KAZN: variants seen among roughly 807,000 people sequenced by gnomAD.
KAZN encodes kazrin.
In KAZN, 40 loss-of-function variants were observed where a neutral mutation model predicts 87.4. That is an observed-to-expected ratio of 0.46 (90% confidence interval 0.36 to 0.60). KAZN has a LOEUF of 0.60. Ranked by LOEUF, KAZN falls within the 20% of genes least tolerant of loss-of-function variation. The pLI is 0.00. For missense variants in KAZN, 898 were observed against 1,073.9 expected (o/e 0.84, Z 2.29); for synonymous variants, 466 against 458.3 (o/e 1.02, Z -0.22).
chr1:14,608,811 A>G (rs577413922), intron 1 of KAZN, among the ~76,000 whole-genome samples: 1 of 152,374 alleles, frequency 6.6e-6, no homozygotes, highest in African/African-American at 2.4e-5. Flanking sequence ...GGTCAGCGGC[A>G]ACAAATGAAT....
chr1:14,666,574 C>G (rs1422238537), intron 1 of KAZN, among the ~76,000 whole-genome samples: 2 of 152,134 alleles, frequency 1.3e-5, no homozygotes, highest in African/African-American at 2.4e-5. Flanking sequence ...AGTACAAGAT[C>G]CAGGTGTCCA....
chr1:14,912,437 G>A (rs896605910), intron 1 of KAZN, among the ~76,000 whole-genome samples: 1 of 152,308 alleles, frequency 6.6e-6, no homozygotes, highest in Admixed American at 6.5e-5. Context: ...TGGGGGATGA[G>A]AGGATACGCT....
chr1:13,909,430 G>C (rs1046650105), intron 1 of KAZN, among the ~76,000 whole-genome samples: 1 of 152,112 alleles, frequency 6.6e-6, no homozygotes, highest in African/African-American at 2.4e-5. Context: ...TAGTGAGGAG[G>C]AGAGCTCCCG....
chr1:14,550,889 C>A lies in KAZN; in HGVS notation c.250-48094C>A, dbSNP rs529704507. On this transcript the variant is annotated intron_variant, in intron 2 of 16. Transcript: ENST00000636203. Reference sequence around the variant, plus strand: ...ATACCCAATTCCCTTGAACAGTGAACCACCCCCATCCCCAGCTCTCTCCCC... The same window carrying A: ...ATACCCAATTCCCTTGAACAGTGAAACACCCCCATCCCCAGCTCTCTCCCC... 4.6e-5 allele frequency among the ~76,000 whole-genome samples: 7 copies of A among 151,254 alleles called. No homozygotes were observed. The South Asian group carries it at 1.5e-3, about 32-fold the overall frequency.
intron 2 of KAZN, among the ~76,000 whole-genome samples, chr1:15,029,646 T>G (rs1671489473): frequency 6.6e-6 from 1 of 152,184 alleles, no homozygotes; most frequent in Non-Finnish European, 1.5e-5. Flanking sequence ...AATGCCATGT[T>G]GAGGTGCTGG....
intron 2 of KAZN, among the ~76,000 whole-genome samples, chr1:14,302,622 T>C (rs920693402): frequency 5.9e-5 from 9 of 152,180 alleles, no homozygotes; most frequent in African/African-American, 1.9e-4. Flanking sequence ...TGAAATTACA[T>C]GGCAAATGGT....
chr1:14,157,714 T>C (rs1010309820), intron 1 of KAZN, among the ~76,000 whole-genome samples: 2 of 152,134 alleles, frequency 1.3e-5, no homozygotes, highest in African/African-American at 4.8e-5. Flanking sequence ...AGTGTATTAG[T>C]CCATTTTCCC....
intron 1 of KAZN, among the ~76,000 whole-genome samples, chr1:14,800,321 G>A (rs1303030850): frequency 1.3e-5 from 2 of 152,308 alleles, no homozygotes; most frequent in African/African-American, 4.8e-5. Context: ...GCTGAAAGGT[G>A]CAAATAACCC....
At chr1:14,845,206 AG>A (rs1648576130) in intron 1 of KAZN, among the ~76,000 whole-genome samples, 1 of 98,510 alleles carries the variant, frequency 1.0e-5, no homozygotes. Flanking sequence ...TGGGTGAGTG[AG>A]TGGATGGGTG....
chr1:13,893,628 G>A, exon 1 of KAZN: 2 of 1,549,360 alleles, frequency 1.3e-6, no homozygotes, highest in Admixed American at 2.0e-5. Flanking sequence ...GGGTCTGGAC[G>A]CTGCCACATG....
rs1673194546 is a variant in KAZN, at chr1:15,043,975, T to C, written c.556-14T>C. ...TGTAACACCCACGGTGCTCTCTCCC[T>C]CTCCCACCCACAGGAGAGCGAGGAT... On this transcript the variant is annotated splice_polypyrimidine_tract_variant and intron_variant, in intron 3 of 14. Transcript: ENST00000376030. The C allele has an allele frequency of 6.3e-7, 1 of 1,598,432 alleles. No homozygotes were observed. The highest frequency in any genetic ancestry group is 8.5e-7 in the Non-Finnish European group (1 of 1,170,942).
intron 8 of KAZN, chr1:15,067,485 T>C: frequency 4.1e-6 from 4 of 985,454 alleles, no homozygotes; most frequent in Non-Finnish European, 4.8e-6. Context: ...TAAAACTCAA[T>C]TTCCTTATTC....
At chr1:14,264,871 G>C (rs183142654) in intron 2 of KAZN, among the ~76,000 whole-genome samples, 1 of 152,278 alleles carries the variant, frequency 6.6e-6, no homozygotes, top group Non-Finnish European at 1.5e-5. Context: ...AGTATAGGTA[G>C]TCCAGGAAAA....
chr1:14,581,388 A>G (rs1054757831), intron 2 of KAZN, among the ~76,000 whole-genome samples: 9 of 152,132 alleles, frequency 5.9e-5, no homozygotes, highest in African/African-American at 2.2e-4. Context: ...ATACTGATCT[A>G]GAATCCATTC....
chr1:14,226,794 G>T (rs1162899921), intron 2 of KAZN, among the ~76,000 whole-genome samples: 1 of 152,094 alleles, frequency 6.6e-6, no homozygotes, highest in East Asian at 1.9e-4. Context: ...ATTAATGCAG[G>T]AACAGAAAAC....
chr1:14,751,834 A>G (rs1191944554), intron 1 of KAZN, among the ~76,000 whole-genome samples: 1 of 152,210 alleles, frequency 6.6e-6, no homozygotes, highest in African/African-American at 2.4e-5. Flanking sequence ...ATCCTTCCCT[A>G]TAGATATGCC....
intron 2 of KAZN, among the ~76,000 whole-genome samples, chr1:14,529,783 G>T (rs1295992881): frequency 6.6e-6 from 1 of 152,204 alleles, no homozygotes; most frequent in East Asian, 1.9e-4. Context: ...ACGGACCAGG[G>T]CATTGCAAGC....
intron 2 of KAZN, among the ~76,000 whole-genome samples, chr1:14,323,280 G>A (rs890211196): frequency 1.3e-5 from 2 of 152,078 alleles, no homozygotes; most frequent in African/African-American, 4.8e-5. Context: ...AAGCCACGTG[G>A]CCATGCCTGG....
chr1:14,192,326 C>T (rs1646437131), intron 2 of KAZN, among the ~76,000 whole-genome samples: 1 of 152,220 alleles, frequency 6.6e-6, no homozygotes, highest in African/African-American at 2.4e-5. Context: ...AATACTGTCC[C>T]ATTGATATTC....
Sources: gnomAD v4.1 joint callset for allele counts (sites outside exome capture counted in the v4.1 genomes callset) on GRCh38, gnomAD v4.1.1 for gene constraint, MANE v1.5 for transcripts, NCBI Gene and HGNC (gene_info 2026-07-23, HGNC 2026-07-21) for gene names.